MAGT1: variants seen among roughly 807,000 people sequenced by gnomAD.
The protein encoded by MAGT1 is magnesium transporter 1, also known as dolichyl-diphosphooligosaccharide--protein glycosyltransferase subunit MAGT1.
Under a neutral mutation model 28.4 loss-of-function variants are expected in MAGT1, and 4 were observed. The observed-to-expected ratio is 0.14, with a 90% CI of 0.07 to 0.32. The LOEUF (loss-of-function observed/expected upper bound fraction) is 0.32. Among genes scored for constraint, MAGT1 ranks in the 10% least tolerant of loss-of-function variants. The probability of loss-of-function intolerance (pLI) is 1.00; values close to 1 mark genes in which losing one functional copy is unlikely to be tolerated. For synonymous variants in MAGT1, 89 were observed against 89.7 expected, an observed-to-expected ratio of 0.99 and a Z score of 0.04; for missense variants, 193 against 264.5, an observed-to-expected ratio of 0.73 and a Z score of 1.88.
chrX:77,835,476 T>C (rs1464632659), intron 8 of MAGT1, among the ~76,000 whole-genome samples: 2 of 111,620 alleles, frequency 1.8e-5, no homozygotes, highest in Admixed American at 9.6e-5. Context: ...TACACTGTTG[T>C]ACACTGTTGG....
At chrX:77,883,077 TTATAA>T (rs1342111035) in intron 1 of MAGT1, among the ~76,000 whole-genome samples, 1 of 102,032 alleles carries the variant, frequency 9.8e-6, no homozygotes, top group Non-Finnish European at 2.0e-5. Context: ...TATAATATAA[TTATAA>T]TATGTATTAT....
At chrX:77,876,590 T>C (rs1557217876) in intron 1 of MAGT1, among the ~76,000 whole-genome samples, 1 of 111,394 alleles carries the variant, frequency 9.0e-6, no homozygotes, top group East Asian at 2.8e-4. Context: ...AGTAGACCCA[T>C]ACAAGTGTAG....
At chrX:77,850,793 CA>C (rs1313653966) in intron 7 of MAGT1, among the ~76,000 whole-genome samples, 2 of 111,105 alleles carry the variant, frequency 1.8e-5, no homozygotes, top group Non-Finnish European at 3.8e-5. Context: ...AAGTTTAAGA[CA>C]AAGCTAAAAG....
At chrX:77,854,510 T>C (rs1171137346) in intron 6 of MAGT1, among the ~76,000 whole-genome samples, 2 of 111,072 alleles carry the variant, frequency 1.8e-5, no homozygotes, top group African/African-American at 6.5e-5. Context: ...TGTTGTTTTT[T>C]CTTTTCTTTT....
chrX:77,861,150 G>C (rs1223736918), intron 3 of MAGT1, among the ~76,000 whole-genome samples: 1 of 108,801 alleles, frequency 9.2e-6, no homozygotes, highest in Non-Finnish European at 1.9e-5. Context: ...TTGTACTCCA[G>C]TCTGGGCAAC....
intron 3 of MAGT1, among the ~76,000 whole-genome samples, chrX:77,859,185 G>A (rs1338305550): frequency 9.0e-6 from 1 of 111,384 alleles, no homozygotes; most frequent in Non-Finnish European, 1.9e-5. Flanking sequence ...TCCAGCCTGG[G>A]TGACAGAGCT....
At chrX:77,829,486 A>AT (rs2076891933) in intron 9 of MAGT1, among the ~76,000 whole-genome samples, 1 of 111,305 alleles carries the variant, frequency 9.0e-6, no homozygotes, top group South Asian at 3.8e-4. Context: ...TTATTTTTTC[A>AT]TTTTTTTAGA....
intron 8 of MAGT1, among the ~76,000 whole-genome samples, chrX:77,831,175 G>A (rs907271135): frequency 5.5e-4 from 60 of 110,013 alleles, no homozygotes; most frequent in South Asian, 4.6e-3. Context: ...CCGCCACTGC[G>A]CCCAGCTAAT....
intron 2 of MAGT1, among the ~76,000 whole-genome samples, 189 bp from the exon 3 acceptor site, chrX:77,871,114 A>G (rs1173839425): frequency 8.9e-6 from 1 of 112,056 alleles, no homozygotes; most frequent in Non-Finnish European, 1.9e-5. Flanking sequence ...GCATAAGAGA[A>G]GCCTTATCCC....
intron 1 of MAGT1, among the ~76,000 whole-genome samples, chrX:77,893,353 A>G (rs2077089386): frequency 1.8e-5 from 2 of 111,834 alleles, no homozygotes; most frequent in South Asian, 7.4e-4. Flanking sequence ...TACATGCATG[A>G]AAAGGGTGAA....
At position 77,867,617 on chromosome X, in the gene MAGT1, G is replaced by A. The variant is rs1007831114; in HGVS notation, c.390+3191C>T. Among the ~76,000 whole-genome samples the A allele has an allele frequency of 3.6e-4, 24 of 66,461 alleles. 7 individuals carry two copies. The highest frequency in any genetic ancestry group is 7.3e-4 in the Non-Finnish European group (18 of 24,596). 57.7% of individuals were successfully genotyped at this position (66,461 alleles called of 115,157 possible). On this transcript the variant is annotated intron_variant, in intron 3 of 9. Coordinates refer to ENST00000618282, the MANE Select transcript of MAGT1 (RefSeq NM_001367916.1). ...GAAGGTTAAGGTGCAAGGATTACTT[G>A]AGCCCAGGAGTTCAAGACTAGCCAG...
chrX:77,848,733 T>A (rs1227371198), intron 7 of MAGT1, among the ~76,000 whole-genome samples: 1 of 111,519 alleles, frequency 9.0e-6, no homozygotes, highest in Admixed American at 9.6e-5. Flanking sequence ...AGGTTATAGG[T>A]GAACATTTTC....
intron 7 of MAGT1, among the ~76,000 whole-genome samples, chrX:77,843,411 T>A (rs1557214589): frequency 9.0e-6 from 1 of 110,799 alleles, no homozygotes; most frequent in African/African-American, 3.3e-5. Flanking sequence ...TTTTGTTGAT[T>A]TTTTTGTAGA....
chrX:77,895,496 C>T (rs782013082), upstream of MAGT1: 6 of 1,171,428 alleles, frequency 5.1e-6, no homozygotes, highest in Non-Finnish European at 6.9e-6. Flanking sequence ...CGGCCCCTTG[C>T]CTTTCCTCAT....
chrX:77,841,428 C>T (rs1449639856), intron 7 of MAGT1, 108 bp from the exon 8 acceptor site: 1 of 563,706 alleles, frequency 1.8e-6, no homozygotes, highest in African/African-American at 2.3e-5. Flanking sequence ...AAACCTTCAA[C>T]TCTTCATTAT....
chrX:77,880,461 G>A (rs1557218306), intron 1 of MAGT1, among the ~76,000 whole-genome samples: 1 of 109,141 alleles, frequency 9.2e-6, no homozygotes, highest in African/African-American at 3.3e-5. Flanking sequence ...CCCGGGAGGT[G>A]GAGTTGCAGT....
rs782408458 is a variant in MAGT1, at chrX:77,855,634, C to T, written c.673-44G>A. ...ATAAAATATTCATGGTCAAACTGTT[C>T]TTGTCTTGATTAGATAACAGGAATA... On this transcript the variant is annotated intron_variant, in intron 5 of 9. Transcript: ENST00000618282. The T allele has an allele frequency of 5.0e-5, 49 of 985,049 alleles. No individual in the cohort carries two copies. The Admixed American group carries it at 1.1e-3, about 22-fold the overall frequency. 81.2% of individuals were successfully genotyped at this position (985,049 alleles called of 1,213,427 possible).
intron 8 of MAGT1, among the ~76,000 whole-genome samples, chrX:77,833,181 A>G (rs1391658497): frequency 8.9e-6 from 1 of 112,467 alleles, no homozygotes; most frequent in Non-Finnish European, 1.9e-5. Flanking sequence ...AATTGAATTC[A>G]TCAAATGAAT....
chrX:77,854,890 G>A (rs2076977497), intron 6 of MAGT1, among the ~76,000 whole-genome samples: 1 of 112,093 alleles, frequency 8.9e-6, no homozygotes, highest in Admixed American at 9.6e-5. Flanking sequence ...TTAGCACAGT[G>A]CTTAGAAACA....
Sources: allele counts gnomAD v4.1 joint callset (sites outside exome capture counted in the v4.1 genomes callset), GRCh38; gene constraint gnomAD v4.1.1; transcripts MANE v1.5; gene names NCBI Gene and HGNC (gene_info 2026-07-23, HGNC 2026-07-21).